Variants in RFX3 observed in about 807,000 individuals in gnomAD.
RFX3 encodes transcription factor RFX3.
RFX3 carries 14 observed loss-of-function variants against 98.6 expected under a neutral mutation model. That is an observed-to-expected ratio of 0.14 (90% confidence interval 0.09 to 0.22). The LOEUF (loss-of-function observed/expected upper bound fraction) is 0.22, where lower values mean the gene tolerates loss of function less well. Ranked by LOEUF, RFX3 falls within the 10% of genes least tolerant of loss-of-function variation. The pLI, the probability that RFX3 is intolerant of heterozygous loss-of-function variation, is 1.00. For missense variants in RFX3, 639 were observed against 926.9 expected (o/e 0.69, Z 4.03); for synonymous variants, 383 against 328.4 (o/e 1.17, Z -1.80).
intron 2 of RFX3, among the ~76,000 whole-genome samples, chr9:3,358,950 G>C (rs760329845): frequency 2.0e-5 from 3 of 151,818 alleles, no homozygotes; most frequent in Non-Finnish European, 4.4e-5. Flanking sequence ...CTGCTCCCAT[G>C]ATTCAATTAT....
At chr9:3,330,876 C>T (rs970539932) in intron 3 of RFX3, among the ~76,000 whole-genome samples, 1 of 152,130 alleles carries the variant, frequency 6.6e-6, no homozygotes, top group Non-Finnish European at 1.5e-5. Flanking sequence ...AAGCTGGAAC[C>T]TGGAATAAGT....
At chr9:3,341,008 T>C (rs1833826284) in intron 3 of RFX3, among the ~76,000 whole-genome samples, 2 of 152,194 alleles carry the variant, frequency 1.3e-5, no homozygotes, top group South Asian at 4.1e-4. Flanking sequence ...CCAACCCAAT[T>C]GTCCAACAAC....
chr9:3,305,826 A>C (rs1217222881), intron 4 of RFX3, among the ~76,000 whole-genome samples: 1 of 152,068 alleles, frequency 6.6e-6, no homozygotes, highest in African/African-American at 2.4e-5. Context: ...TTGATTTGTT[A>C]AATTTTCCAT....
rs1228114237 is a variant in RFX3 at position 3,278,105 on chromosome 9, T to A, written c.852-644A>T. 2.0e-5 allele frequency among the ~76,000 whole-genome samples: 3 copies of A among 151,938 alleles called. No homozygotes were observed. The East Asian group carries it at 5.8e-4, about 29-fold the overall frequency. On this transcript the variant is annotated intron_variant, in intron 7 of 16. Transcript: ENST00000617270. ...AAAGAATCAAAGTCAGTTAAAGTTATGTATCTTCAGGTCCTAGTCATACAA... is the reference window on the plus strand; with the variant it reads ...AAAGAATCAAAGTCAGTTAAAGTTAAGTATCTTCAGGTCCTAGTCATACAA...
chr9:3,494,459 G>C (rs1850963135), intron 1 of RFX3, among the ~76,000 whole-genome samples: 1 of 152,008 alleles, frequency 6.6e-6, no homozygotes, highest in Admixed American at 6.6e-5. Context: ...AATTTCCATG[G>C]TGTGTATACT....
Position 3,247,618 on chromosome 9 carries a change from A to T in RFX3, c.1968+414T>A, listed in dbSNP as rs767742002. 345 of 1,329,540 alleles carry T rather than the reference A, an allele frequency of 2.6e-4. 1 individual carries two copies. Among genetic ancestry groups the T allele is most frequent in the Admixed American group, 1.4e-3 (42 of 29,904 alleles). 82.4% of individuals were successfully genotyped at this position (1,329,540 alleles called of 1,614,324 possible). On this transcript the variant is annotated intron_variant, in intron 15 of 16. Transcript: ENST00000617270. ...ACCATTTTTATCCTTCTAAAATAGA[A>T]TCATTTACTTTGTTCTTGGAGACCG...
In RFX3 at chr9:3,275,563, C is replaced by T. The variant is rs759596185; in HGVS notation, c.1023G>A (p.Leu341=). 6.2e-7 allele frequency: 1 copy of T among 1,612,778 alleles called. No individual in the cohort carries two copies. The highest frequency in any genetic ancestry group is 8.5e-7 in the Non-Finnish European group (1 of 1,179,056). The change falls in exon 9 of 17, where the codon CTG becomes CTA. Residue 341 remains leucine, a synonymous_variant. Coordinates refer to ENST00000617270, the MANE Select transcript of RFX3 (RefSeq NM_001282116.2). ...TATCCTCAAAGGTAGTACCATCTGGCAGAGAAGAGATTTCAACTTCTCCAA... is the reference window on the plus strand; with the variant it reads ...TATCCTCAAAGGTAGTACCATCTGGTAGAGAAGAGATTTCAACTTCTCCAA... ...PEFGEVEISS[L]PDGTTFEDIK...
intron 1 of RFX3, among the ~76,000 whole-genome samples, chr9:3,425,058 GTCTC>G (rs1350824533): frequency 6.6e-6 from 1 of 152,086 alleles, no homozygotes; most frequent in Non-Finnish European, 1.5e-5. Context: ...GCAAAACCCT[GTCTC>G]TACAAAAAAT....
intron 1 of RFX3, among the ~76,000 whole-genome samples, chr9:3,460,448 C>T (rs1847584261): frequency 6.6e-6 from 1 of 151,862 alleles, no homozygotes; most frequent in African/African-American, 2.4e-5. Context: ...TTTAAAAGTC[C>T]TTGTTCCATA....
At chr9:3,263,424 C>T (rs1823181405) in intron 12 of RFX3, among the ~76,000 whole-genome samples, 1 of 151,788 alleles carries the variant, frequency 6.6e-6, no homozygotes, top group African/African-American at 2.4e-5. Context: ...GTTTTCATTT[C>T]TTTTTTTTAC....
intron 4 of RFX3, among the ~76,000 whole-genome samples, chr9:3,312,756 C>G (rs1273854794): frequency 6.6e-6 from 1 of 152,158 alleles, no homozygotes; most frequent in Admixed American, 6.5e-5. Context: ...CCCATGGAGC[C>G]TCGCTCACTG....
chr9:3,424,133 G>A (rs919756535), intron 1 of RFX3, among the ~76,000 whole-genome samples: 1 of 150,020 alleles, frequency 6.7e-6, no homozygotes, highest in Non-Finnish European at 1.5e-5. Flanking sequence ...GGCGACAGAG[G>A]GAGACTCCTT....
intron 1 of RFX3, chr9:3,452,206 C>T (rs1263048989): frequency 6.2e-6 from 1 of 160,564 alleles, no homozygotes; most frequent in Non-Finnish European, 1.4e-5. Flanking sequence ...CTCCAGCCTT[C>T]TCTAGCTTGG....
At chr9:3,406,300 G>C (rs929885064) in intron 1 of RFX3, among the ~76,000 whole-genome samples, 2 of 151,534 alleles carry the variant, frequency 1.3e-5, no homozygotes, top group East Asian at 3.9e-4. Context: ...TCTTCTGCTT[G>C]AAACAATTTT....
chr9:3,310,085 ATG>A (rs1429190741), intron 4 of RFX3, among the ~76,000 whole-genome samples: 1 of 152,196 alleles, frequency 6.6e-6, no homozygotes, highest in Non-Finnish European at 1.5e-5. Flanking sequence ...CCACTTGCAG[ATG>A]CTTCTAGTAC....
intron 4 of RFX3, among the ~76,000 whole-genome samples, chr9:3,311,084 T>C (rs906731001): frequency 1.3e-5 from 2 of 152,236 alleles, no homozygotes; most frequent in South Asian, 2.1e-4. Context: ...TTCTTGTTAA[T>C]ACAAGTTACT....
At chr9:3,338,947 G>T (rs1230496441) in intron 3 of RFX3, among the ~76,000 whole-genome samples, 1 of 151,950 alleles carries the variant, frequency 6.6e-6, no homozygotes, top group Non-Finnish European at 1.5e-5. Flanking sequence ...AAATTAGCCG[G>T]GCGTGGTGGC....
intron 1 of RFX3, among the ~76,000 whole-genome samples, chr9:3,517,002 G>A (rs1026261906): frequency 2.0e-5 from 3 of 152,184 alleles, no homozygotes; most frequent in African/African-American, 7.2e-5. Context: ...CTATAGGTAT[G>A]GCCATTATGC....
intron 1 of RFX3, among the ~76,000 whole-genome samples, chr9:3,455,414 A>G (rs1847062272): frequency 1.3e-5 from 2 of 152,094 alleles, no homozygotes; most frequent in Admixed American, 1.3e-4. Flanking sequence ...CTCCTACTAT[A>G]TACTCTTTCT....
Sources: allele counts gnomAD v4.1 joint callset (sites outside exome capture counted in the v4.1 genomes callset), GRCh38; gene constraint gnomAD v4.1.1; transcripts MANE v1.5; gene names NCBI Gene and HGNC (gene_info 2026-07-23, HGNC 2026-07-21).